The following ACBD6 variants were observed in gnomAD, a reference collection of about 807,000 sequenced individuals.
ACBD6 encodes acyl-CoA-binding domain-containing protein 6.
A neutral mutation model predicts 37.2 loss-of-function variants in ACBD6; 28 were observed. That is an observed-to-expected ratio of 0.75 (90% CI 0.56 to 1.03). ACBD6 has a LOEUF of 1.03. ACBD6 is among the 50% of genes least tolerant of loss of function. The pLI, the probability that ACBD6 is intolerant of heterozygous loss-of-function variation, is 0.00. For synonymous variants in ACBD6, 113 were observed against 126.8 expected (o/e 0.89, Z 0.73); for missense variants, 340 against 337.4 (o/e 1.01, Z -0.06).
At chr1:180,391,647 T>A (rs372130794) in intron 6 of ACBD6, among the ~76,000 whole-genome samples, 222 of 152,148 alleles carry the variant, frequency 1.5e-3, no homozygotes, top group African/African-American at 5.1e-3. Flanking sequence ...ACAAGACAGA[T>A]GATAACAAGT....
chr1:180,456,645 G>C (rs1649935552), intron 3 of ACBD6, among the ~76,000 whole-genome samples: 2 of 152,244 alleles, frequency 1.3e-5, no homozygotes, highest in African/African-American at 4.8e-5. Context: ...ATTCTGAAAG[G>C]TATTTCCACC....
At chr1:180,454,823 C>T (rs1237811384) in intron 3 of ACBD6, among the ~76,000 whole-genome samples, 2 of 152,152 alleles carry the variant, frequency 1.3e-5, no homozygotes, top group African/African-American at 2.4e-5. Context: ...CAATGAGATA[C>T]CATCTCACAC....
chr1:180,398,926 C>T (rs1654365950), intron 5 of ACBD6, among the ~76,000 whole-genome samples: 1 of 152,060 alleles, frequency 6.6e-6, no homozygotes, highest in South Asian at 2.1e-4. Context: ...TAAAAAGCAC[C>T]TTTCAAGAAA....
At chr1:180,476,401 T>G (rs960798730) in intron 3 of ACBD6, among the ~76,000 whole-genome samples, 1 of 152,220 alleles carries the variant, frequency 6.6e-6, no homozygotes, top group African/African-American at 2.4e-5. Flanking sequence ...AAATTTTTTT[T>G]TTTTAAAAAA....
intron 6 of ACBD6, among the ~76,000 whole-genome samples, chr1:180,330,920 TC>T (rs1259084422): frequency 1.3e-5 from 2 of 152,238 alleles, no homozygotes; most frequent in African/African-American, 4.8e-5. Flanking sequence ...ACAATTAGCA[TC>T]AATTATTCGG....
At chr1:180,356,855 G>GA (rs1196646356) in intron 6 of ACBD6, among the ~76,000 whole-genome samples, 4 of 25,080 alleles carry the variant, frequency 1.6e-4, no homozygotes, top group Non-Finnish European at 2.7e-4. Flanking sequence ...TGTCTCAAAA[G>GA]AAAAAAAAAA....
chr1:180,461,928 T>C (rs1410574981), intron 3 of ACBD6, among the ~76,000 whole-genome samples: 2 of 152,022 alleles, frequency 1.3e-5, no homozygotes, highest in African/African-American at 4.8e-5. Context: ...CACATAACAA[T>C]ACTAACCTTA....
At chr1:180,495,613 T>C (rs1473343173) in intron 1 of ACBD6, 88 bp from the exon 2 acceptor site, 14 of 1,013,700 alleles carry the variant, frequency 1.4e-5, no homozygotes, top group African/African-American at 4.8e-5. Context: ...GTATATTCAG[T>C]AACCATAGGT....
intron 3 of ACBD6, among the ~76,000 whole-genome samples, chr1:180,442,505 G>A (rs966601347): frequency 2.6e-5 from 4 of 152,124 alleles, no homozygotes; most frequent in Non-Finnish European, 4.4e-5. Context: ...TATAGTTTAT[G>A]AACTATTTGA....
chr1:180,370,192 A>G (rs1177076117), intron 6 of ACBD6, among the ~76,000 whole-genome samples: 4 of 152,230 alleles, frequency 2.6e-5, no homozygotes, highest in Non-Finnish European at 5.9e-5. Flanking sequence ...CAGATTAAAC[A>G]AAGGATATCA....
intron 3 of ACBD6, among the ~76,000 whole-genome samples, chr1:180,490,349 A>G (rs1042566735): frequency 6.6e-6 from 1 of 152,200 alleles, no homozygotes; most frequent in African/African-American, 2.4e-5. Flanking sequence ...ATGAAGACTC[A>G]TGCACATCAG....
At chr1:180,432,644 C>T (rs1268938821) in intron 3 of ACBD6, among the ~76,000 whole-genome samples, 1 of 151,954 alleles carries the variant, frequency 6.6e-6, no homozygotes, top group African/African-American at 2.4e-5. Flanking sequence ...GGATATTATT[C>T]AGCAACACAA....
intron 8 of ACBD6, among the ~76,000 whole-genome samples, chr1:180,283,207 C>T (rs1465604396): frequency 7.2e-5 from 11 of 152,024 alleles, no homozygotes; most frequent in African/African-American, 9.7e-5. Context: ...AAATGGAAAC[C>T]GAGATTGCTA....
At chr1:180,356,585 G>A (rs899403308) in intron 6 of ACBD6, among the ~76,000 whole-genome samples, 4 of 151,862 alleles carry the variant, frequency 2.6e-5, no homozygotes, top group South Asian at 2.1e-4. Context: ...GCTGGTTTCC[G>A]CCTGTAATCC....
intron 6 of ACBD6, among the ~76,000 whole-genome samples, chr1:180,395,328 G>A (rs1558281173): frequency 6.6e-6 from 1 of 152,146 alleles, no homozygotes; most frequent in African/African-American, 2.4e-5. Context: ...GCTACTGGCT[G>A]AGATCTGGGT....
intron 5 of ACBD6, among the ~76,000 whole-genome samples, chr1:180,398,701 A>C (rs75333168): frequency 1.3e-5 from 2 of 152,336 alleles, no homozygotes; most frequent in African/African-American, 4.8e-5. Context: ...AATGAAAAAA[A>C]GCCTACTTGG....
intron 6 of ACBD6, among the ~76,000 whole-genome samples, chr1:180,339,733 C>T (rs184308166): frequency 2.6e-4 from 39 of 151,740 alleles, no homozygotes; most frequent in African/African-American, 9.4e-4. Context: ...GTGTTAGGCA[C>T]TGTTCTAAGG....
chr1:180,427,918 C>CA (rs11435254), intron 4 of ACBD6, among the ~76,000 whole-genome samples: 22,949 of 95,062 alleles, frequency 0.24, 3,128 homozygotes, highest in East Asian at 0.43. Flanking sequence ...GACTCTGTCT[C>CA]AAAAAAAAAA....
intron 8 of ACBD6, among the ~76,000 whole-genome samples, chr1:180,282,674 C>T (rs12058808): frequency 6.6e-6 from 1 of 152,184 alleles, no homozygotes; most frequent in African/African-American, 2.4e-5. Context: ...CACCTGTCAA[C>T]TGCAGGGCTT....
Sources: allele counts gnomAD v4.1 joint callset (sites outside exome capture counted in the v4.1 genomes callset), GRCh38; gene constraint gnomAD v4.1.1; transcripts MANE v1.5; gene names NCBI Gene and HGNC (gene_info 2026-07-23, HGNC 2026-07-21).